Variants in RIMS3 observed in about 807,000 individuals in gnomAD.
The protein encoded by RIMS3 is regulating synaptic membrane exocytosis protein 3.
A neutral mutation model predicts 29.2 loss-of-function variants in RIMS3; 15 were observed. The observed-to-expected ratio is 0.51, with a 90% confidence interval of 0.34 to 0.79. The LOEUF (loss-of-function observed/expected upper bound fraction) is 0.79, where lower values mean the gene tolerates loss of function less well. Among genes scored for constraint, RIMS3 ranks in the 30% least tolerant of loss-of-function variants. The pLI is 0.01. For synonymous variants in RIMS3, 161 were observed against 170.1 expected, an observed-to-expected ratio of 0.95 and a Z score of 0.41; for missense variants, 342 against 421.4, an observed-to-expected ratio of 0.81 and a Z score of 1.65.
Position 40,628,914 on chromosome 1 carries a change from C to G in RIMS3, c.610G>C (p.Ala204Pro). Residue 204 changes from alanine to proline, a missense_variant, in exon 7 of 8, where the codon GCC becomes CCC. By Grantham distance (27) the Ala-to-Pro change is conservative (BLOSUM62 -1). Transcript: ENST00000372684. The part of the protein sequence containing the change: ...YIKVYLLENG[A>P]CLAKKKTKMT... ...TTTGTCTTCTTCTTGGCCAAGCAGGCCCCATTCTCCAGCAGGTAAACCTTG... is the reference window on the plus strand; with the variant it reads ...TTTGTCTTCTTCTTGGCCAAGCAGGGCCCATTCTCCAGCAGGTAAACCTTG... The G allele has an allele frequency of 6.2e-7, 1 of 1,613,678 alleles. No individual in the cohort carries two copies.
chr1:40,635,837 C>T lies in RIMS3; in HGVS notation c.359+79G>A. On this transcript the variant is annotated intron_variant, in intron 4 of 7. Transcript: ENST00000372684. This position sits in a 1 kb window ranked among gnomAD's most constrained non-coding sequence, Gnocchi z 4.1. ...TTTAGCTGGAAACAAAACAGGGAGG[C>T]TTTCCCACCCTGCCCAGTGGCTCTG... 3 of 1,560,738 alleles carry T rather than the reference C, an allele frequency of 1.9e-6. No homozygotes were observed. In the South Asian group the frequency reaches 3.4e-5, roughly 18 times the overall value.
intron 4 of RIMS3, 138 bp from the exon 5 acceptor site, chr1:40,633,319 G>A (rs1646501311): frequency 1.6e-6 from 1 of 627,038 alleles, no homozygotes; most frequent in South Asian, 1.8e-5. Context: ...TAAACAGTAT[G>A]ATTGCACTAC....
chr1:40,691,735 C>A, the RIMS3 span: 1 of 455,440 alleles, frequency 2.2e-6, no homozygotes, highest in Non-Finnish European at 4.4e-6. Context: ...TTGCTTGTGC[C>A]CCCGCTTCGC....
chr1:40,673,755 G>A, the RIMS3 span, among the ~76,000 whole-genome samples: 8 of 152,310 alleles, frequency 5.3e-5, no homozygotes, highest in South Asian at 1.7e-3. Context: ...ATGGTCCCCT[G>A]TGCTCTAACA....
chr1:40,639,825 T>G (rs963092898), intron 3 of RIMS3, among the ~76,000 whole-genome samples: 1 of 152,100 alleles, frequency 6.6e-6, no homozygotes. Flanking sequence ...AATTAGCTGA[T>G]TCACAGAGAC....
intron 2 of RIMS3, among the ~76,000 whole-genome samples, chr1:40,643,904 C>T (rs1260246992): frequency 1.3e-5 from 2 of 152,206 alleles, no homozygotes; most frequent in Non-Finnish European, 2.9e-5. Context: ...CCCCTTTCTG[C>T]TTCCTCACAG....
At chr1:40,680,500 T>G in the RIMS3 span, among the ~76,000 whole-genome samples, 63 of 151,976 alleles carry the variant, frequency 4.1e-4, 1 homozygote, top group African/African-American at 1.5e-3. Flanking sequence ...CCCGGCTAAT[T>G]TTTGTATTTT....
intron 2 of RIMS3, among the ~76,000 whole-genome samples, chr1:40,642,430 C>T (rs1217608530): frequency 6.6e-6 from 1 of 152,132 alleles, no homozygotes; most frequent in Non-Finnish European, 1.5e-5. Flanking sequence ...ATTTTCATAG[C>T]AAATAATAAC....
chr1:40,677,948 G>C, the RIMS3 span, among the ~76,000 whole-genome samples: 43 of 152,302 alleles, frequency 2.8e-4, no homozygotes, highest in South Asian at 8.7e-3. Flanking sequence ...GGAGGTCACA[G>C]AAGTAAGCTA....
rs1646435620 is a variant in RIMS3 at position 40,623,627 on chromosome 1, G to A, written c.*2890C>T. On this transcript the variant is annotated 3_prime_UTR_variant, in exon 8 of 8. Transcript: ENST00000372684. The stretch of plus-strand genomic sequence containing the variant: ...CATGGCAGTGAGTTGGCCCCAGGGT[G>A]GGAGACTTCTGGAGGGATCATGTTC... The A allele has an allele frequency of 5.0e-6, 2 of 397,836 alleles. No homozygotes were observed. The highest frequency in any genetic ancestry group is 8.8e-6 in the Non-Finnish European group (2 of 226,016). The allele number at this position is 397,836 out of a possible 1,614,324, so 24.6% of individuals were successfully genotyped here.
chr1:40,645,113 TG>T (rs1178810332), intron 2 of RIMS3, among the ~76,000 whole-genome samples: 5 of 152,174 alleles, frequency 3.3e-5, no homozygotes, highest in Admixed American at 6.5e-5. Flanking sequence ...AGTCCTGGAT[TG>T]TATTTCTCTA....
chr1:40,668,166 G>A (rs918066713), upstream of RIMS3, among the ~76,000 whole-genome samples: 5 of 149,870 alleles, frequency 3.3e-5, no homozygotes, highest in South Asian at 2.1e-4. Context: ...CAGGAGAATC[G>A]CTTGAACCCA....
Position 40,654,968 on chromosome 1 carries a change from T to G in RIMS3, c.-206-7126A>C, listed in dbSNP as rs1157707332. 1.3e-5 allele frequency among the ~76,000 whole-genome samples: 2 copies of G among 152,122 alleles called. No individual in the cohort carries two copies. The highest frequency in any genetic ancestry group is 4.8e-5 in the African/African-American group (2 of 41,422). ...ATCCTCCTGGTGCCCAGGCCACCCT[T>G]CCCACTGTGAACATGGGACTAGGGA... On this transcript the variant is annotated intron_variant, in intron 1 of 7. Transcript: ENST00000372684. The surrounding 1 kb of genome is among the most constrained non-coding windows in gnomAD (Gnocchi z 5.3).
Position 40,626,249 on chromosome 1 carries a change from C to T in RIMS3, c.*268G>A, listed in dbSNP as rs1646452684. ...TTCTTTTCAACAAGACACAAAGAGACGTGGAGACATTTCAGCCCATATCAT... is the reference window on the plus strand; with the variant it reads ...TTCTTTTCAACAAGACACAAAGAGATGTGGAGACATTTCAGCCCATATCAT... On this transcript the variant is annotated 3_prime_UTR_variant, in exon 8 of 8. Transcript: ENST00000372684. 3.8e-6 allele frequency: 2 copies of T among 529,298 alleles called. No homozygotes were observed. The highest frequency in any genetic ancestry group is 3.1e-5 in the Admixed American group (1 of 31,926). The allele number at this position is 529,298 out of a possible 1,614,324, so 32.8% of individuals were successfully genotyped here. A position where few individuals can be genotyped will look rare whatever the true frequency, so the allele number is the denominator to read the frequency against.
chr1:40,672,868 GAA>G, the RIMS3 span, among the ~76,000 whole-genome samples: 2,777 of 132,442 alleles, frequency 0.021, 93 homozygotes, highest in African/African-American at 0.071. Flanking sequence ...CATCTCTGGA[GAA>G]AAAAAAAAAA....
At chr1:40,670,217 G>A (rs1642474063), upstream of RIMS3, among the ~76,000 whole-genome samples, 2 of 152,036 alleles carry the variant, frequency 1.3e-5, no homozygotes, top group African/African-American at 4.8e-5. Context: ...ATATAATTAT[G>A]AGCAAAACAT....
At chr1:40,677,225 G>C in the RIMS3 span, among the ~76,000 whole-genome samples, 17 of 151,404 alleles carry the variant, frequency 1.1e-4, no homozygotes, top group Non-Finnish European at 2.4e-4. Context: ...GGCTGGTCTC[G>C]AACTCCTGAC....
upstream of RIMS3, among the ~76,000 whole-genome samples, chr1:40,666,376 C>T (rs1294687368): frequency 6.6e-6 from 1 of 152,186 alleles, no homozygotes; most frequent in Non-Finnish European, 1.5e-5. Context: ...ACCAGGGATG[C>T]TGCTACACGC....
At chr1:40,628,694 G>C (rs776505076) in intron 7 of RIMS3, 116 bp downstream of exon 7, 1 of 1,379,722 alleles carries the variant, frequency 7.2e-7, no homozygotes, top group South Asian at 1.2e-5. Flanking sequence ...AATGAGTAAC[G>C]CAAATTAATG....
Sources: gnomAD v4.1 joint callset for allele counts (sites outside exome capture counted in the v4.1 genomes callset) on GRCh38, gnomAD v4.1.1 for gene constraint, Gnocchi (gnomAD v3.1) non-coding constraint, MANE v1.5 for transcripts, NCBI Gene and HGNC (gene_info 2026-07-23, HGNC 2026-07-21) for gene names.